Variants in ABCC11 observed in about 807,000 individuals in gnomAD.
ABCC11 encodes ATP-binding cassette sub-family C member 11.
Under a neutral mutation model 149.3 loss-of-function variants are expected in ABCC11, and 135 were observed. The observed-to-expected ratio is 0.90, with a 90% CI of 0.79 to 1.04. ABCC11 has a LOEUF of 1.04. Ranked by LOEUF, ABCC11 falls within the 50% of genes least tolerant of loss-of-function variation. ABCC11 has a pLI of 0.00. For missense variants in ABCC11, 1,680 were observed against 1,722.1 expected (o/e 0.98, Z 0.43); for synonymous variants, 665 against 671.4 (o/e 0.99, Z 0.15).
chr16:48,229,654 C>T lies in ABCC11; in HGVS notation c.236+783G>A, dbSNP rs932152236. Among the ~76,000 whole-genome samples the T allele has an allele frequency of 7.9e-5, 12 of 151,432 alleles. 1 individual carries two copies. Among genetic ancestry groups the T allele is most frequent in the South Asian group, 4.2e-4 (2 of 4,792 alleles). Reference sequence around the variant, plus strand: ...TAATTTTTTGTATTTTTAGTAGAGACGGGGTTTCACCTTGTTAGCCAGGAT... The same window carrying T: ...TAATTTTTTGTATTTTTAGTAGAGATGGGGTTTCACCTTGTTAGCCAGGAT... On this transcript the variant is annotated intron_variant, in intron 3 of 29. Coordinates refer to ENST00000356608, the MANE Select transcript of ABCC11 (RefSeq NM_001370497.1).
At chr16:48,188,693 G>A (rs912231502) in intron 20 of ABCC11, among the ~76,000 whole-genome samples, 3 of 152,222 alleles carry the variant, frequency 2.0e-5, no homozygotes, top group Admixed American at 6.5e-5. Context: ...CATTACGCAA[G>A]TGGTTAATGG....
intron 1 of ABCC11, among the ~76,000 whole-genome samples, chr16:48,235,650 A>G (rs10521167): frequency 0.13 from 19,879 of 152,154 alleles, 1,611 homozygotes; most frequent in African/African-American, 0.23. Flanking sequence ...TCCCGGAAGC[A>G]TTCCCTGGAC....
Position 48,227,913 on chromosome 16 carries a change from G to A in ABCC11, c.288C>T (p.Thr96=), listed in dbSNP as rs777436690. Residue 96 remains threonine (T), a synonymous_variant, in exon 4 of 30, where the codon ACC becomes ACT. Coordinates refer to ENST00000356608, the MANE Select transcript of ABCC11 (RefSeq NM_001370497.1). ...LDNAGLFSYL[T]VSWLTPLMIQ... is the part of the protein sequence containing the mutation. ...TCATGAGCGGGGTGAGCCATGACACGGTGAGGTAGGAGAACAGGCCAGCAT... is the reference window on the plus strand; with the variant it reads ...TCATGAGCGGGGTGAGCCATGACACAGTGAGGTAGGAGAACAGGCCAGCAT... 1.1e-5 allele frequency: 18 copies of A among 1,613,922 alleles called. No individual in the cohort carries two copies. Among genetic ancestry groups the A allele is most frequent in the Middle Eastern group, 3.3e-4 (2 of 6,072 alleles).
rs151310174 is a variant in ABCC11, at chr16:48,203,265, C to T, written c.1841G>A (p.Arg614Gln). The T allele has an allele frequency of 5.3e-5, 84 of 1,583,988 alleles. No homozygotes were observed. The highest frequency in any genetic ancestry group is 3.5e-4 in the African/African-American group (26 of 74,670). ...TCCAAAGGGCAGAAGTTCCAGGTCC[C>T]GATTCAGGGAGCAGCAGTGGAGCAC... ...LQVLHCCSLN[R>Q]DLELLPFGDM... Residue 614 changes from arginine to glutamine, a missense_variant, in exon 14 of 30, where the codon CGG becomes CAG. Transcript: ENST00000356608.
At chr16:48,232,986 G>C (rs1970504430) in intron 1 of ABCC11, among the ~76,000 whole-genome samples, 1 of 152,156 alleles carries the variant, frequency 6.6e-6, no homozygotes, top group Non-Finnish European at 1.5e-5. Flanking sequence ...GACTGCTTGA[G>C]CTCAGGAGTT....
intron 3 of ABCC11, among the ~76,000 whole-genome samples, chr16:48,229,908 T>C (rs977634158): frequency 2.6e-5 from 4 of 152,190 alleles, no homozygotes; most frequent in African/African-American, 7.2e-5. Flanking sequence ...TCATGCTGTG[T>C]TCCTTGCCCC....
intron 24 of ABCC11, 112 bp downstream of exon 24, chr16:48,178,485 G>C: frequency 8.3e-6 from 8 of 962,664 alleles, no homozygotes; most frequent in Non-Finnish European, 9.5e-6. Flanking sequence ...CAGGAGCCTG[G>C]TGTTTCCTGG....
At chr16:48,232,572 T>C (rs1970483219) in intron 1 of ABCC11, among the ~76,000 whole-genome samples, 1 of 152,124 alleles carries the variant, frequency 6.6e-6, no homozygotes, top group South Asian at 2.1e-4. Flanking sequence ...AAATATGACT[T>C]TCATATTTGT....
intron 22 of ABCC11, among the ~76,000 whole-genome samples, chr16:48,185,067 T>TA: frequency 6.6e-6 from 1 of 152,122 alleles, no homozygotes; most frequent in East Asian, 1.9e-4. Context: ...AGCTTAAAGG[T>TA]AAAATAACAC....
intron 28 of ABCC11, among the ~76,000 whole-genome samples, 176 bp from the exon 29 acceptor site, chr16:48,167,836 T>G (rs1383837266): frequency 6.6e-6 from 1 of 152,188 alleles, no homozygotes; most frequent in Admixed American, 6.5e-5. Context: ...GATTATCCAT[T>G]ACCTTATGAA....
At chr16:48,235,852 C>T (rs754987715) in intron 1 of ABCC11, among the ~76,000 whole-genome samples, 7 of 152,272 alleles carry the variant, frequency 4.6e-5, no homozygotes, top group South Asian at 2.1e-4. Flanking sequence ...TTGGTTTGGA[C>T]GTGGGTTGTT....
At chr16:48,170,846 C>T (rs760179320) in intron 27 of ABCC11, 43 bp downstream of exon 27, 48 of 1,552,184 alleles carry the variant, frequency 3.1e-5, no homozygotes, top group South Asian at 1.1e-4. Flanking sequence ...CCCCCATGGG[C>T]GATGCAGACT....
chr16:48,184,970 T>C (rs1966669367), intron 22 of ABCC11, among the ~76,000 whole-genome samples: 1 of 151,948 alleles, frequency 6.6e-6, no homozygotes, highest in Non-Finnish European at 1.5e-5. Context: ...AGTGTGGGAG[T>C]GATTCCTTTC....
chr16:48,211,201 T>C lies in ABCC11; in HGVS notation c.1357-2A>G. ...AGGGCTCTCCTGGAGGAAAAACTTC[T>C]GTAAAGACAGAAAAAAATAGAGGGA... On this transcript the variant is annotated splice_acceptor_variant, in intron 10 of 29. Transcript: ENST00000356608. LOFTEE classifies it high-confidence loss of function. The C allele has an allele frequency of 6.2e-7, 1 of 1,612,908 alleles. No individual in the cohort carries two copies. The highest frequency in any genetic ancestry group is 1.1e-5 in the South Asian group (1 of 91,072).
chr16:48,203,671 C>G (rs924922128), intron 13 of ABCC11, among the ~76,000 whole-genome samples: 1 of 152,106 alleles, frequency 6.6e-6, no homozygotes, highest in African/African-American at 2.4e-5. Flanking sequence ...AGTTCGAGAC[C>G]AGCTTGGCTA....
chr16:48,218,507 C>G (rs1969501984), intron 6 of ABCC11, among the ~76,000 whole-genome samples: 1 of 152,154 alleles, frequency 6.6e-6, no homozygotes, highest in East Asian at 1.9e-4. Context: ...CTAGATAATG[C>G]ATATATAGCA....
chr16:48,220,573 C>T (rs934035555), intron 6 of ABCC11, among the ~76,000 whole-genome samples: 3 of 152,116 alleles, frequency 2.0e-5, no homozygotes, highest in Admixed American at 2.0e-4. Flanking sequence ...CAACCACTAC[C>T]CCCGTCTACA....
chr16:48,240,868 T>C (rs1405536178), intron 1 of ABCC11, among the ~76,000 whole-genome samples: 1 of 152,024 alleles, frequency 6.6e-6, no homozygotes, highest in Admixed American at 6.6e-5. Flanking sequence ...CTTCACCAAG[T>C]AGTCAAGATT....
chr16:48,244,082 T>TA (rs758810486), intron 1 of ABCC11: 9 of 285,814 alleles, frequency 3.1e-5, no homozygotes, highest in Non-Finnish European at 5.8e-5. Flanking sequence ...AAGAAAACGT[T>TA]AAAAACACTT....
Sources: gnomAD v4.1 joint callset for allele counts (sites outside exome capture counted in the v4.1 genomes callset) on GRCh38, gnomAD v4.1.1 for gene constraint, MANE v1.5 for transcripts, NCBI Gene and HGNC (gene_info 2026-07-23, HGNC 2026-07-21) for gene names.